Variants in FLI1 observed in about 807,000 individuals in gnomAD.
The protein encoded by FLI1 is Fli-1 proto-oncogene, ETS transcription factor, also known as Friend leukemia integration 1 transcription factor.
A neutral mutation model predicts 53.1 loss-of-function variants in FLI1; 13 were observed. The ratio of observed to expected loss-of-function variants is 0.24; its 90% CI spans 0.16 to 0.39. The LOEUF (loss-of-function observed/expected upper bound fraction) is 0.39, where lower values mean the gene tolerates loss of function less well. FLI1 is among the 10% of genes least tolerant of loss of function. FLI1 has a pLI of 1.00. For synonymous variants in FLI1, 244 were observed against 236.7 expected (o/e 1.03, Z -0.28); for missense variants, 424 against 600.5 (o/e 0.71, Z 3.07).
intron 1 of FLI1, among the ~76,000 whole-genome samples, chr11:128,740,305 G>A (rs933664813): frequency 2.6e-5 from 4 of 152,236 alleles, no homozygotes; most frequent in African/African-American, 4.8e-5. Context: ...ACAAATTATG[G>A]TGTCTAAAGA....
chr11:128,734,300 GC>G (rs1464396656), intron 1 of FLI1, among the ~76,000 whole-genome samples: 28 of 152,230 alleles, frequency 1.8e-4, no homozygotes, highest in African/African-American at 6.8e-4. Context: ...CTCTGAACGT[GC>G]CTCATCTGAT....
chr11:128,799,049 A>ATTTT (rs1184910280), intron 5 of FLI1, among the ~76,000 whole-genome samples: 7 of 137,278 alleles, frequency 5.1e-5, no homozygotes, highest in South Asian at 2.3e-4. Context: ...TATTATTATT[A>ATTTT]TTATTTTGCT....
chr11:128,696,046 G>A (rs1938058559), intron 1 of FLI1: 2 of 152,316 alleles, frequency 1.3e-5, no homozygotes. Context: ...AAAGGAGGAA[G>A]CTGTGGTCTG....
At chr11:128,702,731 G>A (rs546605242) in intron 1 of FLI1, among the ~76,000 whole-genome samples, 17 of 152,198 alleles carry the variant, frequency 1.1e-4, no homozygotes, top group African/African-American at 3.1e-4. Flanking sequence ...TCATGCTGGC[G>A]CATGCTTGTA....
intron 3 of FLI1, among the ~76,000 whole-genome samples, chr11:128,768,952 G>T (rs1265348763): frequency 6.6e-6 from 1 of 152,218 alleles, no homozygotes; most frequent in African/African-American, 2.4e-5. Flanking sequence ...AGCTGCAGAG[G>T]CCAGTCCTTC....
At chr11:128,778,846 A>G (rs1206913089) in intron 4 of FLI1, among the ~76,000 whole-genome samples, 1 of 152,184 alleles carries the variant, frequency 6.6e-6, no homozygotes, top group Non-Finnish European at 1.5e-5. Flanking sequence ...GCCAGACTCC[A>G]GGAGGACCTG....
chr11:128,732,687 C>A (rs559096597), intron 1 of FLI1, among the ~76,000 whole-genome samples: 19 of 152,234 alleles, frequency 1.2e-4, no homozygotes, highest in South Asian at 2.1e-4. Context: ...GACATTTACA[C>A]AAAAATGATT....
intron 5 of FLI1, among the ~76,000 whole-genome samples, chr11:128,795,158 A>T (rs1288015512): frequency 2.0e-5 from 3 of 152,368 alleles, no homozygotes; most frequent in Non-Finnish European, 4.4e-5. Flanking sequence ...TAAAGAAAAG[A>T]TGGTAAAATT....
chr11:128,694,231 T>C lies in FLI1; in HGVS notation c.-28T>C, dbSNP rs112860445. 1 of 1,507,316 alleles carries C rather than the reference T, an allele frequency of 6.6e-7. No individual in the cohort carries two copies. Among genetic ancestry groups the C allele is most frequent in the Non-Finnish European group, 8.9e-7 (1 of 1,127,074 alleles). The allele number at this position is 1,507,316 out of a possible 1,614,324, so 93.4% of individuals were successfully genotyped here. On this transcript the variant is annotated 5_prime_UTR_variant, in exon 1 of 9. Transcript: ENST00000527786. ...GTAACCGGGTCAATGTGTGGAATAT[T>C]GGGGGGCTCGGCTGCAGACTTGGCC...
At chr11:128,687,804 T>G (rs1325064950) in intron 1 of FLI1, among the ~76,000 whole-genome samples, 1 of 152,142 alleles carries the variant, frequency 6.6e-6, no homozygotes, top group East Asian at 1.9e-4. Flanking sequence ...ACTCGTCATT[T>G]CAGGAAGGGA....
At chr11:128,715,938 GT>G (rs2135726905) in intron 1 of FLI1, among the ~76,000 whole-genome samples, 1 of 152,338 alleles carries the variant, frequency 6.6e-6, no homozygotes, top group South Asian at 2.1e-4. Context: ...GGAGAGCAAG[GT>G]TTGTGATGTA....
chr11:128,764,691 C>T (rs758998470), intron 2 of FLI1: 8 of 1,541,744 alleles, frequency 5.2e-6, no homozygotes, highest in African/African-American at 1.4e-5. Flanking sequence ...TTATGCTGGG[C>T]TTCACCTGTA....
chr11:128,733,100 G>C (rs1242128126), intron 1 of FLI1, among the ~76,000 whole-genome samples: 1 of 152,184 alleles, frequency 6.6e-6, no homozygotes, highest in Non-Finnish European at 1.5e-5. Context: ...TATACTAATG[G>C]AGATCCTGAA....
intron 5 of FLI1, among the ~76,000 whole-genome samples, chr11:128,799,531 A>G (rs1340000948): frequency 6.6e-6 from 1 of 152,206 alleles, no homozygotes; most frequent in Non-Finnish European, 1.5e-5. Flanking sequence ...AACATGACCA[A>G]GGTCACTCCA....
intron 5 of FLI1, among the ~76,000 whole-genome samples, chr11:128,792,221 A>G (rs1253733626): frequency 1.3e-5 from 2 of 152,174 alleles, no homozygotes; most frequent in Non-Finnish European, 2.9e-5. Flanking sequence ...CTCCCCACCT[A>G]GGCAATGGCA....
Position 128,811,141 on chromosome 11 carries a change from A to T in FLI1, c.*153A>T. On this transcript the variant is annotated 3_prime_UTR_variant, in exon 9 of 9. Coordinates refer to ENST00000527786, the MANE Select transcript of FLI1 (RefSeq NM_002017.5). ...ACCTTTGTATTTGTTCTTTAAAAAC[A>T]TTTTTTTTAATGTTGGTAACTTTTG... is the stretch of plus-strand genomic sequence containing the variant. 1.4e-6 allele frequency: 1 copy of T among 720,962 alleles called. No homozygotes were observed. The highest frequency in any genetic ancestry group is 2.3e-6 in the Non-Finnish European group (1 of 441,924). 44.7% of individuals were successfully genotyped at this position (720,962 alleles called of 1,614,324 possible). A position where few individuals can be genotyped will look rare whatever the true frequency, so the allele number is the denominator to read the frequency against.
chr11:128,772,720 T>C, intron 3 of FLI1, 62 bp from the exon 4 acceptor site: 1 of 1,362,884 alleles, frequency 7.3e-7, no homozygotes. Context: ...GGAGGCTGCC[T>C]AGGCTCTCAG....
chr11:128,734,674 C>G (rs1301473316), intron 1 of FLI1, among the ~76,000 whole-genome samples: 1 of 152,106 alleles, frequency 6.6e-6, no homozygotes, highest in African/African-American at 2.4e-5. Flanking sequence ...GTCAGGGAGG[C>G]CTGTTGCTTG....
intron 1 of FLI1, among the ~76,000 whole-genome samples, chr11:128,713,653 G>GT (rs2064122274): frequency 6.6e-6 from 1 of 151,920 alleles, no homozygotes; most frequent in Non-Finnish European, 1.5e-5. Flanking sequence ...GTTGTTATAA[G>GT]TGCAAAGGGT....
Sources: gnomAD v4.1 joint callset for allele counts (sites outside exome capture counted in the v4.1 genomes callset) on GRCh38, gnomAD v4.1.1 for gene constraint, MANE v1.5 for transcripts, NCBI Gene and HGNC (gene_info 2026-07-23, HGNC 2026-07-21) for gene names.